Variants in CACNA1A observed in about 807,000 individuals in gnomAD.
The protein encoded by CACNA1A is voltage-dependent P/Q-type calcium channel subunit alpha-1A.
CACNA1A carries 57 observed loss-of-function variants against 262.4 expected under a neutral mutation model. The ratio of observed to expected loss-of-function variants is 0.22; its 90% CI spans 0.18 to 0.27. The LOEUF is 0.27. Among genes scored for constraint, CACNA1A ranks in the 10% least tolerant of loss-of-function variants. The pLI, the probability that CACNA1A is intolerant of heterozygous loss-of-function variation, is 1.00. For synonymous variants in CACNA1A, 1,431 were observed against 1,419.3 expected (o/e 1.01, Z -0.18); for missense variants, 2,526 against 3,562.8 (o/e 0.71, Z 7.41).
chr19:13,478,373 G>A (rs1045990524), intron 1 of CACNA1A, among the ~76,000 whole-genome samples: 2 of 152,146 alleles, frequency 1.3e-5, no homozygotes, highest in East Asian at 3.9e-4. Flanking sequence ...CCAGCCTGGA[G>A]TGCAGGACGC....
intron 6 of CACNA1A, among the ~76,000 whole-genome samples, chr19:13,349,027 A>AGAGAG (rs1555771362): frequency 3.6e-5 from 5 of 137,814 alleles, no homozygotes; most frequent in African/African-American, 6.2e-5. Context: ...AAAAAAAAAA[A>AGAGAG]AGAGAGACAA....
intron 20 of CACNA1A, among the ~76,000 whole-genome samples, chr19:13,285,718 G>A (rs573405258): frequency 5.9e-5 from 9 of 152,134 alleles, no homozygotes; most frequent in African/African-American, 2.2e-4. Flanking sequence ...TCAGGGGGAG[G>A]AGCCATCAGC....
intron 8 of CACNA1A, 163 bp downstream of exon 8, chr19:13,334,215 A>T (rs2145131970): frequency 1.7e-6 from 1 of 581,282 alleles, no homozygotes; most frequent in Non-Finnish European, 3.1e-6. Context: ...TCTTCATATC[A>T]GACTCTGGAT....
chr19:13,404,859 T>C (rs962230946), intron 3 of CACNA1A, among the ~76,000 whole-genome samples: 55 of 152,144 alleles, frequency 3.6e-4, no homozygotes, highest in African/African-American at 1.1e-3. Context: ...AGTGAGAGAC[T>C]GTTAGTAAGA....
intron 10 of CACNA1A, 98 bp downstream of exon 10, chr19:13,330,146 C>G: frequency 1.3e-6 from 1 of 793,316 alleles, no homozygotes; most frequent in Admixed American, 2.2e-5. Context: ...AGACCCAAAT[C>G]CAGGCAGCAC....
intron 38 of CACNA1A, among the ~76,000 whole-genome samples, chr19:13,223,535 A>G (rs915971403): frequency 7.2e-5 from 11 of 152,228 alleles, no homozygotes; most frequent in South Asian, 4.2e-4. Context: ...AGATGATATC[A>G]GCAGCCCCCA....
intron 22 of CACNA1A, among the ~76,000 whole-genome samples, chr19:13,279,325 T>G (rs2057228468): frequency 6.6e-6 from 1 of 152,152 alleles, no homozygotes; most frequent in African/African-American, 2.4e-5. Flanking sequence ...GTGCTTGATC[T>G]CATTCATTAC....
rs2055028091 is a variant in CACNA1A, at chr19:13,216,731, G to T, written c.5732-2123C>A. Among the ~76,000 whole-genome samples, 3 of 151,608 alleles carry T rather than the reference G, an allele frequency of 2.0e-5. No homozygotes were observed. The South Asian group carries it at 6.2e-4, about 31-fold the overall frequency. On this transcript the variant is annotated intron_variant, in intron 38 of 46. Transcript: ENST00000360228. ...CTATCGATCGACAGGGACTTACTCTGTTGCCCAGGCTGTGGCACAATCTTT... is the reference window on the plus strand; with the variant it reads ...CTATCGATCGACAGGGACTTACTCTTTTGCCCAGGCTGTGGCACAATCTTT...
At chr19:13,303,932 G>A in intron 15 of CACNA1A, 48 bp from the exon 16 acceptor site, 1 of 1,359,714 alleles carries the variant, frequency 7.4e-7, no homozygotes. Flanking sequence ...CTCAGCCACG[G>A]GCCCCTTGGA....
At chr19:13,395,128 G>C (rs1319727258) in intron 3 of CACNA1A, among the ~76,000 whole-genome samples, 2 of 151,380 alleles carry the variant, frequency 1.3e-5, no homozygotes, top group African/African-American at 2.4e-5. Flanking sequence ...ACAAAAATTA[G>C]CTGGGCATGG....
At chr19:13,336,426 A>G (rs766558188) in intron 6 of CACNA1A, among the ~76,000 whole-genome samples, 1 of 152,128 alleles carries the variant, frequency 6.6e-6, no homozygotes, top group South Asian at 2.1e-4. Context: ...ATCACAAAAA[A>G]TTCTCAGAAG....
chr19:13,299,427 A>C, intron 18 of CACNA1A, 74 bp from the exon 19 acceptor site: 1 of 1,245,570 alleles, frequency 8.0e-7, no homozygotes, highest in Non-Finnish European at 1.2e-6. Context: ...AGGCGAACCA[A>C]CCCACATCTC....
intron 1 of CACNA1A, among the ~76,000 whole-genome samples, chr19:13,471,715 G>A (rs1024408538): frequency 6.6e-6 from 1 of 152,132 alleles, no homozygotes; most frequent in Admixed American, 6.6e-5. Flanking sequence ...GAAAGAGCCA[G>A]TATAGGTAAA....
In CACNA1A at chr19:13,506,177, G is replaced by A; in HGVS notation, c.48C>T (p.Gly16=). 3 of 1,530,286 alleles carry A rather than the reference G, an allele frequency of 2.0e-6. No homozygotes were observed. The highest frequency in any genetic ancestry group is 2.6e-6 in the Non-Finnish European group (3 of 1,139,772). 94.8% of individuals were successfully genotyped at this position (1,530,286 alleles called of 1,614,324 possible). A position where few individuals can be genotyped will look rare whatever the true frequency, so the allele number is the denominator to read the frequency against. ...CGACCACCCCGGCGGCTGCCCCGGA[G>A]CCTCCTCCCCCGTAGCGGGCCGGCA... ...DEMPARYGGG[G]SGAAAGVVVG... The change falls in exon 1 of 47, where the codon GGC becomes GGT. Residue 16 remains glycine (G), a synonymous_variant. Coordinates refer to ENST00000360228, the MANE Select transcript of CACNA1A (RefSeq NM_001127222.2).
intron 3 of CACNA1A, among the ~76,000 whole-genome samples, chr19:13,409,702 C>A (rs2060076288): frequency 2.0e-5 from 3 of 152,070 alleles, no homozygotes; most frequent in Admixed American, 2.0e-4. Flanking sequence ...TGCCACTATA[C>A]CTGGCTAGTT....
At chr19:13,490,175 G>A (rs753011715) in intron 1 of CACNA1A, among the ~76,000 whole-genome samples, 4 of 152,162 alleles carry the variant, frequency 2.6e-5, no homozygotes, top group Non-Finnish European at 2.9e-5. Flanking sequence ...TATGTGCCAC[G>A]CATGATGTTT....
chr19:13,333,132 C>T (rs939784352), intron 8 of CACNA1A, among the ~76,000 whole-genome samples: 9 of 152,096 alleles, frequency 5.9e-5, no homozygotes, highest in African/African-American at 1.7e-4. Context: ...CCCCACCTCG[C>T]GCAAAATAAA....
chr19:13,387,975 G>A (rs2059643613), intron 3 of CACNA1A, among the ~76,000 whole-genome samples: 1 of 152,172 alleles, frequency 6.6e-6, no homozygotes, highest in African/African-American at 2.4e-5. Context: ...GTGAGAAGGA[G>A]AGGAGACAGG....
chr19:13,214,154 C>A lies in CACNA1A; in HGVS notation c.5940+79G>T. 1 of 1,186,064 alleles carries A rather than the reference C, an allele frequency of 8.4e-7. No homozygotes were observed. Among genetic ancestry groups the A allele is most frequent in the South Asian group, 1.3e-5 (1 of 76,660 alleles). 73.5% of individuals were successfully genotyped at this position (1,186,064 alleles called of 1,614,324 possible). A position where few individuals can be genotyped will look rare whatever the true frequency, so the allele number is the denominator to read the frequency against. On this transcript the variant is annotated intron_variant, in intron 40 of 46. Coordinates refer to ENST00000360228, the MANE Select transcript of CACNA1A (RefSeq NM_001127222.2). This position sits in a 1 kb window ranked among gnomAD's most constrained non-coding sequence, Gnocchi z 4.1. The stretch of plus-strand genomic sequence containing the variant: ...ACCTGCCCTGGGGCTCAGCCACCCT[C>A]ATATTCCAGTTGGTTCCCGTGGTGA...
Sources: allele counts gnomAD v4.1 joint callset (sites outside exome capture counted in the v4.1 genomes callset), GRCh38; gene constraint gnomAD v4.1.1; non-coding constraint Gnocchi (gnomAD v3.1); transcripts MANE v1.5; gene names NCBI Gene and HGNC (gene_info 2026-07-23, HGNC 2026-07-21).